TGM6: variants seen among roughly 807,000 people sequenced by gnomAD.
TGM6 encodes protein-glutamine gamma-glutamyltransferase 6.
Under a neutral mutation model 77.5 loss-of-function variants are expected in TGM6, and 74 were observed. That is an observed-to-expected ratio of 0.96 (90% CI 0.79 to 1.16). The LOEUF (loss-of-function observed/expected upper bound fraction) is 1.16, where lower values mean the gene tolerates loss of function less well. Among genes scored for constraint, TGM6 ranks in the 50% most tolerant of loss-of-function variants. The pLI is 0.00. For missense variants in TGM6, 968 were observed against 940.2 expected (o/e 1.03, Z -0.39); for synonymous variants, 383 against 378.9 (o/e 1.01, Z -0.12).
chr20:2,400,952 T>C (rs887936142), intron 7 of TGM6, among the ~76,000 whole-genome samples: 3 of 152,124 alleles, frequency 2.0e-5, no homozygotes, highest in African/African-American at 7.2e-5. Context: ...GGCAGGAGAA[T>C]TGCTTGAACC....
intron 10 of TGM6, among the ~76,000 whole-genome samples, chr20:2,426,353 T>C (rs937944991): frequency 1.3e-5 from 2 of 152,186 alleles, no homozygotes; most frequent in African/African-American, 4.8e-5. Context: ...TTAGTAATCT[T>C]ATACCCTGTA....
intron 7 of TGM6, among the ~76,000 whole-genome samples, chr20:2,401,675 C>T (rs532586619): frequency 3.9e-4 from 59 of 152,256 alleles, no homozygotes; most frequent in Non-Finnish European, 6.5e-4. Flanking sequence ...GATTCTATTT[C>T]GCAGATGAGG....
chr20:2,386,266 T>C (rs2084595332), intron 1 of TGM6, among the ~76,000 whole-genome samples: 1 of 152,146 alleles, frequency 6.6e-6, no homozygotes, highest in Non-Finnish European at 1.5e-5. Context: ...TGGCAGGTCA[T>C]GGAGGTGTGA....
chr20:2,413,331 C>A (rs1457662135), intron 9 of TGM6, among the ~76,000 whole-genome samples: 1 of 152,134 alleles, frequency 6.6e-6, no homozygotes, highest in Non-Finnish European at 1.5e-5. Context: ...ATTGCTTGAG[C>A]CTGGGAGGTT....
At position 2,396,619 on chromosome 20, in the gene TGM6, G is replaced by A. The variant is rs371872705; in HGVS notation, c.538G>A (p.Gly180Arg). 277 of 1,614,166 alleles carry A rather than the reference G, an allele frequency of 1.7e-4. No individual in the cohort carries two copies. Among genetic ancestry groups the A allele is most frequent in the Non-Finnish European group, 2.2e-4 (261 of 1,180,018 alleles). Residue 180 changes from glycine (G) to arginine (R), a missense_variant, in exon 4 of 13, where the codon GGG (glycine) becomes AGG (arginine). Coordinates refer to ENST00000202625, the MANE Select transcript of TGM6 (RefSeq NM_198994.3). ...CATACGAGCCCAGGGCTGGAACTAC[G>A]GGCAGGTCTCCAGGGGCACAGGCCA... ...KHIRAQGWNY[G>R]QFEEDILNIC...
In TGM6 at chr20:2,400,462, C is replaced by A. The variant is rs1296767144; in HGVS notation, c.989+18C>A. ...AGCATGTGGTGGGTCCTGCCCCCAG[C>A]CTAGGCCCGAGGGCTCTGGAAGCCC... On this transcript the variant is annotated intron_variant, in intron 7 of 12. Coordinates refer to ENST00000202625, the MANE Select transcript of TGM6 (RefSeq NM_198994.3). 5 of 1,613,986 alleles carry A rather than the reference C, an allele frequency of 3.1e-6. No individual in the cohort carries two copies. Among genetic ancestry groups the A allele is most frequent in the Non-Finnish European group, 4.2e-6 (5 of 1,179,982 alleles).
At chr20:2,390,431 C>T (rs1445178191) in intron 1 of TGM6, among the ~76,000 whole-genome samples, 3 of 152,284 alleles carry the variant, frequency 2.0e-5, no homozygotes, top group East Asian at 3.9e-4. Flanking sequence ...GCCAGGATGC[C>T]CACAGACTCC....
intron 12 of TGM6, 104 bp downstream of exon 12, chr20:2,431,131 C>T: frequency 2.1e-6 from 3 of 1,459,748 alleles, no homozygotes; most frequent in Non-Finnish European, 2.8e-6. Flanking sequence ...ATTCTGGACA[C>T]CCCAGGAACC....
intron 4 of TGM6, among the ~76,000 whole-genome samples, chr20:2,396,897 C>T (rs1221243355): frequency 1.3e-5 from 2 of 152,146 alleles, no homozygotes; most frequent in Non-Finnish European, 1.5e-5. Context: ...GGTTTTCAAA[C>T]ACGAGCGTAC....
chr20:2,425,336 A>G (rs2084880556), intron 10 of TGM6, among the ~76,000 whole-genome samples: 1 of 149,108 alleles, frequency 6.7e-6, no homozygotes, highest in Admixed American at 6.7e-5. Flanking sequence ...GTGACAGAGC[A>G]AGACCTTGTC....
rs779347845 is a variant in TGM6, at chr20:2,400,302, G to T, written c.851-4G>T. On this transcript the variant is annotated splice_region_variant and splice_polypyrimidine_tract_variant and intron_variant, in intron 6 of 12. Coordinates refer to ENST00000202625, the MANE Select transcript of TGM6 (RefSeq NM_198994.3). The stretch of plus-strand genomic sequence containing the variant: ...CGCCTGCTCCGAGCCTCTCTGCTCT[G>T]CAGTCCTCAGGTGCTTGGGGATAGC... The T allele has an allele frequency of 2.5e-6, 4 of 1,614,140 alleles. No homozygotes were observed.
At chr20:2,382,244 C>T (rs1336177801) in intron 1 of TGM6, among the ~76,000 whole-genome samples, 1 of 152,108 alleles carries the variant, frequency 6.6e-6, no homozygotes, top group Non-Finnish European at 1.5e-5. Flanking sequence ...TTGGGCCCTT[C>T]AGGCTCCTAG....
chr20:2,387,658 T>C (rs1412998072), intron 1 of TGM6, among the ~76,000 whole-genome samples: 1 of 152,234 alleles, frequency 6.6e-6, no homozygotes, highest in African/African-American at 2.4e-5. Context: ...GAGGTTGTTG[T>C]GGTCTAGACA....
In TGM6 at chr20:2,380,991, C is replaced by T. The variant is rs543046344; in HGVS notation, c.7+16C>T. On this transcript the variant is annotated intron_variant, in intron 1 of 12. Transcript: ENST00000202625. The stretch of plus-strand genomic sequence containing the variant: ...CACATGGCAGGTAAGTGGGCAGAGC[C>T]TGGGGCCTTGGGACACCAGGGCTCA... The T allele has an allele frequency of 1.2e-6, 2 of 1,608,598 alleles. No homozygotes were observed. The highest frequency in any genetic ancestry group is 2.7e-5 in the African/African-American group (2 of 74,964).
Position 2,399,644 on chromosome 20 carries a change from C to T in TGM6, c.756C>T (p.Arg252=), listed in dbSNP as rs753043689. The T allele has an allele frequency of 5.6e-6, 9 of 1,613,520 alleles. No homozygotes were observed. The highest frequency in any genetic ancestry group is 2.2e-5 in the South Asian group (2 of 91,060). Residue 252 remains arginine (R), a synonymous_variant, in exon 6 of 13, where the codon CGC becomes CGT. Coordinates refer to ENST00000202625, the MANE Select transcript of TGM6 (RefSeq NM_198994.3). ...YGGGTSPLHW[R]GSVAILQKWL... ...GCGGCACCAGCCCGCTGCACTGGCG[C>T]GGCAGCGTGGCCATTCTGCAGAAGT...
chr20:2,385,242 C>A (rs775290874), intron 1 of TGM6, among the ~76,000 whole-genome samples: 3 of 152,124 alleles, frequency 2.0e-5, no homozygotes, highest in African/African-American at 7.2e-5. Flanking sequence ...GATGCAGATG[C>A]CTCAGAGGGT....
At chr20:2,406,074 C>T (rs1369666511) in intron 9 of TGM6, among the ~76,000 whole-genome samples, 1 of 152,166 alleles carries the variant, frequency 6.6e-6, no homozygotes, top group African/African-American at 2.4e-5. Context: ...ACTCACACCC[C>T]CAACTCACAC....
intron 1 of TGM6, among the ~76,000 whole-genome samples, chr20:2,384,425 G>A (rs1445968630): frequency 1.3e-5 from 2 of 152,166 alleles, no homozygotes; most frequent in Non-Finnish European, 2.9e-5. Context: ...GATGATTCAG[G>A]ATGTCATGAA....
At chr20:2,381,820 AG>A (rs1389293296) in intron 1 of TGM6, among the ~76,000 whole-genome samples, 1 of 152,132 alleles carries the variant, frequency 6.6e-6, no homozygotes, top group Non-Finnish European at 1.5e-5. Context: ...TGGGAGGCTG[AG>A]GTGAGAGGAT....
Sources: allele counts gnomAD v4.1 joint callset (sites outside exome capture counted in the v4.1 genomes callset), GRCh38; gene constraint gnomAD v4.1.1; transcripts MANE v1.5; gene names NCBI Gene and HGNC (gene_info 2026-07-23, HGNC 2026-07-21).